The following HECW2 variants were observed in gnomAD, a reference collection of about 807,000 sequenced individuals.
HECW2 encodes the protein E3 ubiquitin-protein ligase HECW2.
Under a neutral mutation model 175.2 loss-of-function variants are expected in HECW2, and 61 were observed. The observed-to-expected ratio is 0.35, with a 90% confidence interval of 0.28 to 0.43. The LOEUF is 0.43. HECW2 is among the 20% of genes least tolerant of loss of function. The probability of loss-of-function intolerance (pLI) is 1.00; values close to 1 mark genes in which losing one functional copy is unlikely to be tolerated. For missense variants in HECW2, 1,524 were observed against 2,000.5 expected, an observed-to-expected ratio of 0.76 and a Z score of 4.54; for synonymous variants, 671 against 731.0, an observed-to-expected ratio of 0.92 and a Z score of 1.32.
intron 2 of HECW2, among the ~76,000 whole-genome samples, chr2:196,409,310 ATC>A (rs1695046640): frequency 6.6e-6 from 1 of 152,172 alleles, no homozygotes; most frequent in East Asian, 1.9e-4. Context: ...AAGTTTCTAA[ATC>A]TCTGTGCTGT....
At chr2:196,367,685 C>A (rs1227257446) in intron 2 of HECW2, among the ~76,000 whole-genome samples, 1 of 152,130 alleles carries the variant, frequency 6.6e-6, no homozygotes, top group African/African-American at 2.4e-5. Context: ...TATCCTCTAT[C>A]TTCATGAGTT....
chr2:196,334,359 G>A, intron 4 of HECW2, 65 bp downstream of exon 4: 1 of 1,246,508 alleles, frequency 8.0e-7, no homozygotes, highest in Non-Finnish European at 1.1e-6. Context: ...GGGCCGCACA[G>A]GTAAAAATAG....
At position 196,484,752 on chromosome 2, in the gene HECW2, G is replaced by A. The variant is rs536527454; in HGVS notation, c.-35-51294C>T. On this transcript the variant is annotated intron_variant, in intron 1 of 28. Transcript: ENST00000644978. ...GCCAGGCACCGCCCTCCCCAACCCCGGGGAGTGGCAAGTTCATACTTCATT... is the reference window on the plus strand; with the variant it reads ...GCCAGGCACCGCCCTCCCCAACCCCAGGGAGTGGCAAGTTCATACTTCATT... Among the ~76,000 whole-genome samples the A allele has an allele frequency of 8.0e-4, 122 of 152,138 alleles. 1 individual carries two copies. Among genetic ancestry groups the A allele is most frequent in the South Asian group, 4.2e-4 (2 of 4,812 alleles).
At chr2:196,296,083 A>C (rs1347758446) in intron 13 of HECW2, among the ~76,000 whole-genome samples, 1 of 152,170 alleles carries the variant, frequency 6.6e-6, no homozygotes, top group Non-Finnish European at 1.5e-5. Flanking sequence ...TATAAAAAAA[A>C]CTATGTTTGA....
At chr2:196,258,474 T>C (rs1346604362) in intron 17 of HECW2, among the ~76,000 whole-genome samples, 2 of 152,228 alleles carry the variant, frequency 1.3e-5, no homozygotes, top group Admixed American at 6.5e-5. Context: ...AATACTTTGC[T>C]ACAACAGTTG....
chr2:196,259,324 G>T (rs1254285177), intron 17 of HECW2, among the ~76,000 whole-genome samples: 3 of 152,120 alleles, frequency 2.0e-5, no homozygotes, highest in Non-Finnish European at 4.4e-5. Context: ...TCTTAAGATT[G>T]CTTGCTGACT....
At chr2:196,495,571 T>C (rs1288141123) in intron 1 of HECW2, among the ~76,000 whole-genome samples, 2 of 152,024 alleles carry the variant, frequency 1.3e-5, no homozygotes, top group East Asian at 3.9e-4. Context: ...ATGAGTGGGA[T>C]TTAGACATGC....
At chr2:196,529,725 TAAC>T (rs896490023) in intron 1 of HECW2, among the ~76,000 whole-genome samples, 1 of 152,184 alleles carries the variant, frequency 6.6e-6, no homozygotes, top group African/African-American at 2.4e-5. Context: ...CACTAGGAGA[TAAC>T]AATTTGGAAA....
intron 22 of HECW2, among the ~76,000 whole-genome samples, chr2:196,226,605 C>G (rs1350521855): frequency 2.6e-5 from 4 of 152,196 alleles, no homozygotes. Context: ...CCCCAAACCA[C>G]TTCTAAGAGA....
intron 21 of HECW2, 66 bp downstream of exon 21, chr2:196,240,383 C>CGTG: frequency 8.8e-7 from 1 of 1,137,928 alleles, no homozygotes; most frequent in Non-Finnish European, 1.3e-6. Context: ...ACCACAGCGA[C>CGTG]GTGGAGAAAC....
At chr2:196,583,832 C>T (rs1303001045) in intron 1 of HECW2, among the ~76,000 whole-genome samples, 1 of 152,122 alleles carries the variant, frequency 6.6e-6, no homozygotes, top group East Asian at 1.9e-4. Flanking sequence ...GGGGCATCTG[C>T]CAAGTTTCCA....
intron 2 of HECW2, among the ~76,000 whole-genome samples, chr2:196,389,304 A>G (rs1694439704): frequency 6.6e-6 from 1 of 152,206 alleles, no homozygotes; most frequent in South Asian, 2.1e-4. Context: ...GAAGACCTAC[A>G]GAGAGTTATT....
rs1156961430 is a variant in HECW2 at position 196,196,292 on chromosome 2, C to G, written c.*4985G>C. 2 of 152,150 alleles carry G rather than the reference C, an allele frequency of 1.3e-5. No homozygotes were observed. Among genetic ancestry groups the G allele is most frequent in the Non-Finnish European group, 2.9e-5 (2 of 68,026 alleles). The allele number at this position is 152,150 out of a possible 1,614,324, so 9.4% of individuals were successfully genotyped here. On this transcript the variant is annotated 3_prime_UTR_variant, in exon 29 of 29. Coordinates refer to ENST00000644978, the MANE Select transcript of HECW2 (RefSeq NM_001348768.2). ...TCAGTGGGCAGTAGCTGGCCTTAAG[C>G]CACAATTCAGAAAGCTTTAATGTCT...
intron 26 of HECW2, among the ~76,000 whole-genome samples, chr2:196,218,940 T>C (rs987601151): frequency 6.6e-6 from 1 of 152,210 alleles, no homozygotes; most frequent in Non-Finnish European, 1.5e-5. Flanking sequence ...TCAGATTAAA[T>C]GTGTGAGCAA....
intron 3 of HECW2, among the ~76,000 whole-genome samples, chr2:196,335,544 C>T (rs1424683186): frequency 6.6e-6 from 1 of 152,184 alleles, no homozygotes; most frequent in Non-Finnish European, 1.5e-5. Flanking sequence ...TAAGGAAGTT[C>T]ATCTTTCACT....
chr2:196,374,834 T>TAA (rs770227570), intron 2 of HECW2, among the ~76,000 whole-genome samples: 68 of 113,356 alleles, frequency 6.0e-4, no homozygotes, highest in African/African-American at 2.1e-3. Flanking sequence ...AAGGGAAGAG[T>TAA]AAAAAAAAAA....
rs534739718 is a variant in HECW2, at chr2:196,539,000, G to A, written c.-36+54508C>T. On this transcript the variant is annotated intron_variant, in intron 1 of 28. Transcript: ENST00000644978. The stretch of plus-strand genomic sequence containing the variant: ...AGTGCTTCCAACAGTGAGAAGTGGT[G>A]GTCTGAAAGGGAAGACTCGATTCAA... Among the ~76,000 whole-genome samples, 127 of 152,302 alleles carry A rather than the reference G, an allele frequency of 8.3e-4. 1 individual carries two copies. Among genetic ancestry groups the A allele is most frequent in the African/African-American group, 2.9e-3 (121 of 41,570 alleles).
At chr2:196,523,908 G>A (rs1433539461) in intron 1 of HECW2, among the ~76,000 whole-genome samples, 1 of 152,190 alleles carries the variant, frequency 6.6e-6, no homozygotes, top group African/African-American at 2.4e-5. Context: ...CTGCATGAAT[G>A]TTCATCAAGG....
intron 21 of HECW2, among the ~76,000 whole-genome samples, chr2:196,233,303 G>A (rs1458363421): frequency 6.6e-6 from 1 of 152,138 alleles, no homozygotes; most frequent in Non-Finnish European, 1.5e-5. Context: ...CATGTAGTCT[G>A]GAGCCCCAAG....
Sources: allele counts gnomAD v4.1 joint callset (sites outside exome capture counted in the v4.1 genomes callset), GRCh38; gene constraint gnomAD v4.1.1; transcripts MANE v1.5; gene names NCBI Gene and HGNC (gene_info 2026-07-23, HGNC 2026-07-21).